The following HMCN2 variants were observed in gnomAD, a reference collection of about 807,000 sequenced individuals.
HMCN2 encodes hemicentin-2.
In HMCN2, 325 loss-of-function variants were observed where a neutral mutation model predicts 377.5. The ratio of observed to expected loss-of-function variants is 0.86; its 90% CI spans 0.79 to 0.94. The LOEUF (loss-of-function observed/expected upper bound fraction) is 0.94. Among genes scored for constraint, HMCN2 ranks in the 40% least tolerant of loss-of-function variants. The pLI is 0.00. For synonymous variants in HMCN2, 2,007 were observed against 2,046.8 expected, an observed-to-expected ratio of 0.98 and a Z score of 0.53; for missense variants, 4,543 against 4,725.3, an observed-to-expected ratio of 0.96 and a Z score of 1.13.
intron 19 of HMCN2, among the ~76,000 whole-genome samples, chr9:130,324,313 A>C (rs1053079676): frequency 6.6e-6 from 1 of 152,204 alleles, no homozygotes; most frequent in Admixed American, 6.5e-5. Context: ...GCATGTTTTT[A>C]AGGTTCATCC....
rs1346126966 is a variant in HMCN2, at chr9:130,362,964, G to A, written c.6206G>A (p.Arg2069His). 23 of 985,812 alleles carry A rather than the reference G, an allele frequency of 2.3e-5. No individual in the cohort carries two copies. Among genetic ancestry groups the A allele is most frequent in the Admixed American group, 6.1e-5 (1 of 16,270 alleles). The allele number at this position is 985,812 out of a possible 1,614,324, so 61.1% of individuals were successfully genotyped here. ...CVAVSAVGEDRQDVVLQVHMP... is the reference protein window; with the variant it reads ...CVAVSAVGEDHQDVVLQVHMP... Reference sequence around the variant, plus strand: ...GCTGTGAGCGCGGTGGGCGAGGACCGCCAGGATGTTGTCCTGCAAGTCCAC... The same window carrying A: ...GCTGTGAGCGCGGTGGGCGAGGACCACCAGGATGTTGTCCTGCAAGTCCAC... The change falls in exon 40 of 98, where the codon CGC becomes CAC. Residue 2069 changes from arginine (R) to histidine (H), a missense_variant. Physicochemically the swap from Arg to His is conservative, Grantham distance 29. Around this residue, in one of 5 missense-constraint regions of HMCN2, gnomAD observed 1,032 missense variants for 1,285.1 expected, o/e 0.80. Coordinates refer to ENST00000683500, the MANE Select transcript of HMCN2 (RefSeq NM_001291815.2).
intron 15 of HMCN2, among the ~76,000 whole-genome samples, chr9:130,310,768 C>T (rs1056810481): frequency 5.3e-5 from 8 of 152,116 alleles, no homozygotes; most frequent in South Asian, 2.1e-4. Context: ...TGGTTCAGCT[C>T]GGGATGAGAA....
chr9:130,433,502 G>C lies in HMCN2; in HGVS notation c.15049G>C (p.Glu5017Gln), dbSNP rs978649047. The change falls in exon 98 of 98, where the codon GAG (glutamate) becomes CAG (glutamine). Residue 5017 changes from glutamate (E) to glutamine (Q), a missense_variant. By Grantham distance (29) the Glu-to-Gln change is conservative. Transcript: ENST00000683500. ...SEVGVPANRT[E>Q]LSMLEPDPRS... ...GGTCGGCGTCCCCGCCAACCGCACC[G>C]AGCTCAGCATGCTGGAGCCCGACCC... 8 of 1,497,922 alleles carry C rather than the reference G, an allele frequency of 5.3e-6. No homozygotes were observed. The African/African-American group carries it at 1.2e-4, about 22-fold the overall frequency. 92.8% of individuals were successfully genotyped at this position (1,497,922 alleles called of 1,614,324 possible).
intron 22 of HMCN2, among the ~76,000 whole-genome samples, chr9:130,333,564 G>T (rs910413907): frequency 6.6e-6 from 1 of 152,202 alleles, no homozygotes; most frequent in Non-Finnish European, 1.5e-5. Context: ...GCTGCGTGGA[G>T]CCATCTGGCC....
At chr9:130,408,204 C>A (rs1319429876) in intron 83 of HMCN2, among the ~76,000 whole-genome samples, 1 of 152,140 alleles carries the variant, frequency 6.6e-6, no homozygotes, top group Non-Finnish European at 1.5e-5. Flanking sequence ...CAGCCCCAGG[C>A]ACCAAAAGAG....
chr9:130,305,091 G>C, intron 11 of HMCN2, 89 bp downstream of exon 11: 1 of 408,288 alleles, frequency 2.4e-6, no homozygotes, highest in South Asian at 1.8e-5. Context: ...CCTCTGCTCA[G>C]ACATTGTCTC....
chr9:130,392,724 G>A lies in HMCN2; in HGVS notation c.10137-488G>A, dbSNP rs535234877. The stretch of plus-strand genomic sequence containing the variant: ...GGTAAAGAGTTTAAGCAGGCCGGGT[G>A]CGGTGGCTCACGCCTGTAATCCAGC... On this transcript the variant is annotated intron_variant, in intron 66 of 97. Coordinates refer to ENST00000683500, the MANE Select transcript of HMCN2 (RefSeq NM_001291815.2). 1.5e-4 allele frequency among the ~76,000 whole-genome samples: 23 copies of A among 149,366 alleles called. No individual in the cohort carries two copies. In the South Asian group the frequency reaches 1.7e-3, roughly 11 times the overall value.
At chr9:130,275,302 G>T (rs1266130974) in intron 1 of HMCN2, among the ~76,000 whole-genome samples, 1 of 152,208 alleles carries the variant, frequency 6.6e-6, no homozygotes, top group African/African-American at 2.4e-5. Flanking sequence ...TCGCCGGTCA[G>T]AGGTGAGGAT....
At chr9:130,286,148 G>A (rs781793105) in intron 3 of HMCN2, 40 bp from the exon 4 acceptor site, 1 of 468,982 alleles carries the variant, frequency 2.1e-6, no homozygotes. Context: ...GAAGCAGCCG[G>A]CCAGGGAAGT....
chr9:130,328,969 C>A (rs1194364086), intron 22 of HMCN2, among the ~76,000 whole-genome samples: 1 of 152,206 alleles, frequency 6.6e-6, no homozygotes, highest in Non-Finnish European at 1.5e-5. Context: ...TCAATTGTCA[C>A]CTGCTTTTTA....
intron 93 of HMCN2, 143 bp from the exon 94 acceptor site, chr9:130,429,414 G>A: frequency 1.0e-6 from 1 of 988,226 alleles, no homozygotes; most frequent in Non-Finnish European, 1.5e-6. Context: ...GAGGTGCTGT[G>A]AGGGCGGCCA....
intron 4 of HMCN2, among the ~76,000 whole-genome samples, chr9:130,291,616 A>G (rs1835770579): frequency 6.6e-6 from 1 of 152,208 alleles, no homozygotes; most frequent in Non-Finnish European, 1.5e-5. Flanking sequence ...AGATTCAACA[A>G]TTGTTAACAT....
At chr9:130,307,310 C>T (rs1317427562) in intron 13 of HMCN2, 143 bp from the exon 14 acceptor site, 4 of 421,648 alleles carry the variant, frequency 9.5e-6, no homozygotes, top group African/African-American at 2.0e-5. Context: ...CGGGAGGGGG[C>T]ATTGAACCTG....
chr9:130,400,903 C>T lies in HMCN2; in HGVS notation c.11726C>T (p.Ala3909Val), dbSNP rs778067167. The T allele has an allele frequency of 3.1e-6, 4 of 1,289,352 alleles. No homozygotes were observed. Among genetic ancestry groups the T allele is most frequent in the Admixed American group, 4.6e-5 (2 of 43,524 alleles). The allele number at this position is 1,289,352 out of a possible 1,614,324, so 79.9% of individuals were successfully genotyped here. A position where few individuals can be genotyped will look rare whatever the true frequency, so the allele number is the denominator to read the frequency against. ...APTVSWSKAGAQLGARGSGYR... is the reference protein window; with the variant it reads ...APTVSWSKAGVQLGARGSGYR... ...ACCGTGTCCTGGAGCAAGGCAGGCG[C>T]CCAGCTAGGAGCTCGGGGGAGTGGC... is the stretch of plus-strand genomic sequence containing the variant. Residue 3909 changes from alanine to valine, a missense_variant, in exon 77 of 98, where the codon GCC becomes GTC. Ala to Val is a moderately conservative substitution (Grantham distance 64, BLOSUM62 0). This residue lies in a region of HMCN2 where 1,073 missense variants were observed against 1,319.5 expected (regional missense o/e 0.81). Transcript: ENST00000683500.
rs768283977 is a variant in HMCN2 at position 130,354,810 on chromosome 9, G to A, written c.4912G>A (p.Ala1638Thr). 2.1e-5 allele frequency: 28 copies of A among 1,304,054 alleles called. No individual in the cohort carries two copies. The highest frequency in any genetic ancestry group is 3.0e-6 in the Non-Finnish European group (3 of 988,880). 80.8% of individuals were successfully genotyped at this position (1,304,054 alleles called of 1,614,324 possible). Residue 1638 changes from alanine to threonine, a missense_variant, in exon 32 of 98, where the codon GCT (alanine) becomes ACT (threonine). By Grantham distance (58) the Ala-to-Thr change is moderately conservative. Around this residue, in one of 5 missense-constraint regions of HMCN2, gnomAD observed 1,032 missense variants for 1,285.1 expected, o/e 0.80. Coordinates refer to ENST00000683500, the MANE Select transcript of HMCN2 (RefSeq NM_001291815.2). ...GAGGRPYVVK[A>T]VAGRPVALEC... is the part of the protein sequence containing the mutation. ...CGGTGGAAGACCATACGTGGTGAAG[G>A]CTGTGGCTGGGAGGCCTGTGGCGCT...
intron 1 of HMCN2, among the ~76,000 whole-genome samples, chr9:130,278,960 G>A (rs1361819993): frequency 6.8e-6 from 1 of 147,436 alleles, no homozygotes; most frequent in East Asian, 2.0e-4. Flanking sequence ...GTGCAATGGC[G>A]TGATCCTGGC....
In HMCN2 at chr9:130,427,366, T is replaced by C. The variant is rs915316831; in HGVS notation, c.13933T>C (p.Phe4645Leu). 1.3e-6 allele frequency: 2 copies of C among 1,550,224 alleles called. No individual in the cohort carries two copies. The highest frequency in any genetic ancestry group is 2.7e-5 in the African/African-American group (2 of 72,982). Residue 4645 changes from phenylalanine (F) to leucine (L), a missense_variant, in exon 91 of 98, where the codon TTT becomes CTT. Transcript: ENST00000683500. ...CTTTGAGCTGGACTCCCAGGGAGCG[T>C]TTTGTGTGGGTGAGCGCCCCCAACC... ...EGFELDSQGA[F>L]CVDRDECSGG...
chr9:130,346,424 G>C (rs1237044031), intron 25 of HMCN2, among the ~76,000 whole-genome samples: 2 of 151,938 alleles, frequency 1.3e-5, no homozygotes, highest in Admixed American at 1.3e-4. Context: ...AACATGGGGC[G>C]TGTCCTAGAG....
rs1220342718 is a variant in HMCN2 at position 130,351,110 on chromosome 9, A to G, written c.4431-313A>G. 6.6e-6 allele frequency among the ~76,000 whole-genome samples: 1 copy of G among 152,034 alleles called. No homozygotes were observed. Among genetic ancestry groups the G allele is most frequent in the African/African-American group, 2.4e-5 (1 of 41,388 alleles). ...TGGACGTGCCTGTTCTGGGTACTTCACATCACTGGCATCATAGAGTGTGTG... is the reference window on the plus strand; with the variant it reads ...TGGACGTGCCTGTTCTGGGTACTTCGCATCACTGGCATCATAGAGTGTGTG... On this transcript the variant is annotated intron_variant, in intron 29 of 97. Transcript: ENST00000683500. This position sits in a 1 kb window ranked among gnomAD's most constrained non-coding sequence, Gnocchi z 5.4.
Sources: gnomAD v4.1 joint callset for allele counts (sites outside exome capture counted in the v4.1 genomes callset) on GRCh38, gnomAD v4.1.1 for gene constraint, gnomAD v4.1.1 regional missense constraint, Gnocchi (gnomAD v3.1) non-coding constraint, MANE v1.5 for transcripts, NCBI Gene and HGNC (gene_info 2026-07-23, HGNC 2026-07-21) for gene names.